The following MYO9A variants were observed in gnomAD, a reference collection of about 807,000 sequenced individuals.
MYO9A encodes unconventional myosin-IXa.
Under a neutral mutation model 293.3 loss-of-function variants are expected in MYO9A, and 103 were observed. That is an observed-to-expected ratio of 0.35 (90% CI 0.30 to 0.41). The LOEUF is 0.41. MYO9A is among the 10% of genes least tolerant of loss of function. The pLI is 1.00. For synonymous variants in MYO9A, 1,001 were observed against 1,035.7 expected (o/e 0.97, Z 0.64); for missense variants, 2,685 against 3,033.0 (o/e 0.89, Z 2.69).
At chr15:71,910,737 C>T (rs2057821201) in intron 19 of MYO9A, among the ~76,000 whole-genome samples, 1 of 152,158 alleles carries the variant, frequency 6.6e-6, no homozygotes, top group Non-Finnish European at 1.5e-5. Context: ...ACAGGTTTTA[C>T]ATAGGTGTGT....
intron 12 of MYO9A, among the ~76,000 whole-genome samples, chr15:71,971,796 T>C (rs1159950316): frequency 6.7e-6 from 1 of 149,908 alleles, no homozygotes; most frequent in Non-Finnish European, 1.5e-5. Context: ...AATAAATAAA[T>C]ATATATATTT....
rs568647382 is a variant in MYO9A, at chr15:72,113,080, T to G, written c.-72+4600A>C. Among the ~76,000 whole-genome samples the G allele has an allele frequency of 9.2e-5, 14 of 152,328 alleles. 1 individual carries two copies. The South Asian group carries it at 2.9e-3, about 32-fold the overall frequency. ...ACCCTATTTTTTCTGAACTTATATT[T>G]TTTAAAATGCTCAATCTAAAAACTT... On this transcript the variant is annotated intron_variant, in intron 1 of 41. Transcript: ENST00000356056.
rs1237367411 is a variant in MYO9A at position 71,878,124 on chromosome 15, T to G, written c.5847A>C (p.Pro1949=). 1 of 1,612,822 alleles carries G rather than the reference T, an allele frequency of 6.2e-7. No individual in the cohort carries two copies. Among genetic ancestry groups the G allele is most frequent in the Admixed American group, 1.7e-5 (1 of 59,564 alleles). Reference sequence around the variant, plus strand: ...TAAAAGTGTTGACCCAAACTCTCACTGGAGATTCACCCAGTGAATCACGCT... The same window carrying G: ...TAAAAGTGTTGACCCAAACTCTCACGGGAGATTCACCCAGTGAATCACGCT... ...LEQRDSLGES[P]VRVWVNTFKV... is the part of the protein sequence containing the mutation. Residue 1949 remains proline, a synonymous_variant, in exon 31 of 42, where the codon CCA becomes CCC. Coordinates refer to ENST00000356056, the MANE Select transcript of MYO9A (RefSeq NM_006901.4).
intron 15 of MYO9A, among the ~76,000 whole-genome samples, chr15:71,946,985 C>T (rs540576769): frequency 6.6e-6 from 1 of 152,238 alleles, no homozygotes; most frequent in South Asian, 2.1e-4. Flanking sequence ...GGCATGGTGG[C>T]ATGCACCTGT....
intron 11 of MYO9A, among the ~76,000 whole-genome samples, chr15:71,981,614 G>C (rs1039391937): frequency 6.7e-6 from 1 of 148,308 alleles, no homozygotes; most frequent in African/African-American, 2.5e-5. Flanking sequence ...CTGGGATTTT[G>C]GTTATTTATA....
At chr15:71,908,676 T>C (rs1284372884) in intron 19 of MYO9A, among the ~76,000 whole-genome samples, 2 of 152,210 alleles carry the variant, frequency 1.3e-5, no homozygotes, top group Non-Finnish European at 2.9e-5. Context: ...AATTCCCATA[T>C]GCCCCTTTAC....
rs529770106 is a variant in MYO9A at position 71,871,943 on chromosome 15, C to T, written c.5979+3848G>A. 1.3e-4 allele frequency among the ~76,000 whole-genome samples: 20 copies of T among 151,500 alleles called. No individual in the cohort carries two copies. The South Asian group carries it at 2.1e-3, about 16-fold the overall frequency. On this transcript the variant is annotated intron_variant, in intron 32 of 41. Coordinates refer to ENST00000356056, the MANE Select transcript of MYO9A (RefSeq NM_006901.4). ...TCATTTATATATAAATGATTTTATACGGACACTGTATTTCTGGAATAACAC... is the reference window on the plus strand; with the variant it reads ...TCATTTATATATAAATGATTTTATATGGACACTGTATTTCTGGAATAACAC...
At chr15:71,951,625 T>C in intron 15 of MYO9A, 152 bp downstream of exon 15, 1 of 799,502 alleles carries the variant, frequency 1.3e-6, no homozygotes, top group East Asian at 2.7e-5. Flanking sequence ...AAGAAAGTAC[T>C]AAAGACTCAA....
chr15:71,836,267 A>G (rs375052055), intron 39 of MYO9A, among the ~76,000 whole-genome samples: 1 of 151,890 alleles, frequency 6.6e-6, no homozygotes, highest in African/African-American at 2.4e-5. Context: ...GCCAACATGT[A>G]TATATACACA....
At chr15:72,002,893 AAAGG>A (rs1206737656) in intron 8 of MYO9A, among the ~76,000 whole-genome samples, 1 of 152,220 alleles carries the variant, frequency 6.6e-6, no homozygotes, top group African/African-American at 2.4e-5. Flanking sequence ...AACAAGGAAA[AAAGG>A]AAGAAAATAT....
At chr15:71,869,071 TA>T (rs66692529) in intron 32 of MYO9A, among the ~76,000 whole-genome samples, 51,814 of 151,898 alleles carry the variant, frequency 0.34, 9,708 homozygotes, top group East Asian at 0.61. Context: ...ATGGAATTTT[TA>T]AAAAATCACT....
chr15:72,010,475 A>C, intron 6 of MYO9A, 28 bp from the exon 7 acceptor site: 1 of 1,562,988 alleles, frequency 6.4e-7, no homozygotes, highest in South Asian at 1.1e-5. Flanking sequence ...AAGTTTAAAA[A>C]TCAAGATTAT....
intron 41 of MYO9A, 110 bp from the exon 42 acceptor site, chr15:71,827,153 C>T: frequency 1.2e-6 from 1 of 811,870 alleles, no homozygotes. Flanking sequence ...GGATAAGATT[C>T]AGAGGGTCCA....
intron 32 of MYO9A, among the ~76,000 whole-genome samples, chr15:71,868,070 G>A (rs777985810): frequency 6.6e-5 from 10 of 152,170 alleles, no homozygotes; most frequent in Non-Finnish European, 1.2e-4. Flanking sequence ...GCTTCTCAGA[G>A]TCAGAGACTT....
chr15:72,041,081 C>T (rs1190616838), intron 2 of MYO9A: 7 of 467,238 alleles, frequency 1.5e-5, no homozygotes, highest in Admixed American at 5.0e-5. Context: ...TCCATCTCTA[C>T]AAAAAATACA....
chr15:71,942,163 T>G (rs543585338), intron 15 of MYO9A, among the ~76,000 whole-genome samples: 5 of 152,162 alleles, frequency 3.3e-5, no homozygotes, highest in Non-Finnish European at 7.4e-5. Context: ...AAAATATGTA[T>G]GAATACATGC....
At chr15:71,893,548 T>C (rs1467805802) in intron 26 of MYO9A, 131 bp downstream of exon 26, 3 of 709,850 alleles carry the variant, frequency 4.2e-6, no homozygotes, top group Non-Finnish European at 6.9e-6. Flanking sequence ...TCTCCGCTCA[T>C]GGCTTCTTTC....
chr15:72,016,348 T>C (rs1566951838), intron 6 of MYO9A, among the ~76,000 whole-genome samples: 1 of 152,132 alleles, frequency 6.6e-6, no homozygotes. Context: ...AATCCTCTGC[T>C]CTCTCCCATG....
intron 1 of MYO9A, among the ~76,000 whole-genome samples, chr15:72,100,666 G>A (rs1482775355): frequency 7.2e-5 from 11 of 152,008 alleles, no homozygotes; most frequent in Non-Finnish European, 8.8e-5. Flanking sequence ...CGTCTGGGAG[G>A]TGAGGAGCAT....
Sources: allele counts gnomAD v4.1 joint callset (sites outside exome capture counted in the v4.1 genomes callset), GRCh38; gene constraint gnomAD v4.1.1; transcripts MANE v1.5; gene names NCBI Gene and HGNC (gene_info 2026-07-23, HGNC 2026-07-21).